The following PLEKHA7 variants were observed in gnomAD, a reference collection of about 807,000 sequenced individuals.
PLEKHA7 encodes the protein pleckstrin homology domain containing A7.
A neutral mutation model predicts 170.0 loss-of-function variants in PLEKHA7; 104 were observed. The ratio of observed to expected loss-of-function variants is 0.61; its 90% confidence interval spans 0.52 to 0.72. The LOEUF is 0.72. Ranked by LOEUF, PLEKHA7 falls within the 30% of genes least tolerant of loss-of-function variation. The probability of loss-of-function intolerance (pLI) is 0.00; values close to 1 mark genes in which losing one functional copy is unlikely to be tolerated. For synonymous variants in PLEKHA7, 648 were observed against 660.8 expected (o/e 0.98, Z 0.30); for missense variants, 1,615 against 1,671.7 (o/e 0.97, Z 0.59).
In PLEKHA7 at chr11:16,959,834, G is replaced by A. The variant is rs112115954; in HGVS notation, c.221+54155C>T. On this transcript the variant is annotated intron_variant, in intron 3 of 26. Coordinates refer to ENST00000531066, the MANE Select transcript of PLEKHA7 (RefSeq NM_001329630.2). ...AAAACCTGCTTCTGGAGGGGGTTGC[G>A]GGCTCCCCTCAGCAGCCCTGGAGGA... Among the ~76,000 whole-genome samples, 640 of 152,234 alleles carry A rather than the reference G, an allele frequency of 4.2e-3. 3 individuals carry two copies. Among genetic ancestry groups the A allele is most frequent in the African/African-American group, 0.014 (598 of 41,540 alleles).
chr11:16,822,169 C>T (rs217752), intron 10 of PLEKHA7, among the ~76,000 whole-genome samples: 104,587 of 151,958 alleles, frequency 0.69, 36,238 homozygotes, highest in East Asian at 0.94. Context: ...AGCAGTTATG[C>T]GGAGACATTT....
intron 3 of PLEKHA7, chr11:17,012,938 G>A (rs1865402149): frequency 6.6e-6 from 1 of 152,214 alleles, no homozygotes; most frequent in Non-Finnish European, 1.5e-5. Flanking sequence ...AGGAGGTTCC[G>A]GGGTTTTCTT....
intron 3 of PLEKHA7, among the ~76,000 whole-genome samples, chr11:16,915,341 G>C (rs2136192536): frequency 6.6e-6 from 1 of 152,218 alleles, no homozygotes; most frequent in Non-Finnish European, 1.5e-5. Context: ...CTCATATCTG[G>C]CCAAGTGGAC....
At chr11:16,925,422 C>A (rs1859442639) in intron 3 of PLEKHA7, among the ~76,000 whole-genome samples, 1 of 152,184 alleles carries the variant, frequency 6.6e-6, no homozygotes, top group Non-Finnish European at 1.5e-5. Context: ...TCCAGTCACG[C>A]CCGCGCCCAG....
intron 10 of PLEKHA7, among the ~76,000 whole-genome samples, chr11:16,819,906 T>TA (rs1452405322): frequency 6.6e-6 from 1 of 152,174 alleles, no homozygotes; most frequent in Non-Finnish European, 1.5e-5. Context: ...TGGTTAATAA[T>TA]AATGTATATT....
intron 3 of PLEKHA7, among the ~76,000 whole-genome samples, chr11:16,938,684 C>T (rs1860478854): frequency 6.6e-6 from 1 of 152,044 alleles, no homozygotes; most frequent in Non-Finnish European, 1.5e-5. Flanking sequence ...TGTTGGAAGG[C>T]CGAAAACAGA....
intron 3 of PLEKHA7, among the ~76,000 whole-genome samples, chr11:17,002,592 T>C (rs1864732794): frequency 6.6e-6 from 1 of 152,172 alleles, no homozygotes; most frequent in African/African-American, 2.4e-5. Context: ...CTCAAATGCC[T>C]GATCTGTAAA....
chr11:16,853,838 C>G (rs1055752850), intron 6 of PLEKHA7, among the ~76,000 whole-genome samples: 1 of 152,158 alleles, frequency 6.6e-6, no homozygotes, highest in Non-Finnish European at 1.5e-5. Flanking sequence ...TGCCATGGGG[C>G]CAGAGCTGCA....
intron 3 of PLEKHA7, among the ~76,000 whole-genome samples, chr11:16,956,583 G>T (rs1472250584): frequency 4.6e-5 from 7 of 152,158 alleles, no homozygotes; most frequent in African/African-American, 7.2e-5. Flanking sequence ...CGCTCACAAT[G>T]CCACAGTAAG....
chr11:16,888,555 GCT>G (rs1856360399), intron 3 of PLEKHA7, among the ~76,000 whole-genome samples: 1 of 152,394 alleles, frequency 6.6e-6, no homozygotes, highest in Middle Eastern at 3.4e-3. Context: ...CCAACCCCGT[GCT>G]CTCTGAAACA....
intron 3 of PLEKHA7, among the ~76,000 whole-genome samples, chr11:16,917,512 G>T (rs1016271973): frequency 6.6e-6 from 1 of 152,110 alleles, no homozygotes; most frequent in Non-Finnish European, 1.5e-5. Flanking sequence ...TCCATTCCTT[G>T]CCTCTTCCAG....
rs773389037 is a variant in PLEKHA7 at position 16,794,675 on chromosome 11, G to A, written c.2558C>T (p.Pro853Leu). 1 of 1,614,010 alleles carries A rather than the reference G, an allele frequency of 6.2e-7. No homozygotes were observed. The highest frequency in any genetic ancestry group is 8.5e-7 in the Non-Finnish European group (1 of 1,179,970). ...CTTGCTCTCAGAAGTTGAGAGTGAA[G>A]GCACAGGCGGGTGAGGAAACAAAGG... The part of the protein sequence containing the change: ...TVPLFPHPPV[P>L]SLSTSESKPP... Residue 853 changes from proline (P) to leucine (L), a missense_variant, in exon 19 of 27, where the codon CCT (proline) becomes CTT (leucine). Pro to Leu is a moderately conservative substitution (Grantham distance 98). Coordinates refer to ENST00000531066, the MANE Select transcript of PLEKHA7 (RefSeq NM_001329630.2).
chr11:16,940,254 G>GAA (rs1025374383), intron 3 of PLEKHA7, among the ~76,000 whole-genome samples: 1 of 150,050 alleles, frequency 6.7e-6, no homozygotes, highest in Non-Finnish European at 1.5e-5. Context: ...TAAGGGAAGA[G>GAA]AAGTATCTCA....
intron 3 of PLEKHA7, among the ~76,000 whole-genome samples, chr11:16,996,987 G>A (rs1190277862): frequency 6.6e-6 from 1 of 152,088 alleles, no homozygotes; most frequent in Admixed American, 6.5e-5. Flanking sequence ...GTGGGTATCA[G>A]CTTCAAGTTC....
chr11:16,990,272 T>TC (rs1389989223), intron 3 of PLEKHA7, among the ~76,000 whole-genome samples: 10 of 28,332 alleles, frequency 3.5e-4, no homozygotes. Context: ...AGACCCTGTC[T>TC]CAAAAAAAAA....
At chr11:16,926,701 T>C (rs540633181) in intron 3 of PLEKHA7, among the ~76,000 whole-genome samples, 2 of 152,314 alleles carry the variant, frequency 1.3e-5, no homozygotes, top group African/African-American at 4.8e-5. Context: ...GGTATTAAAG[T>C]GTAAGCTTGC....
chr11:16,918,206 C>T (rs562316273), intron 3 of PLEKHA7, among the ~76,000 whole-genome samples: 1 of 152,316 alleles, frequency 6.6e-6, no homozygotes, highest in South Asian at 2.1e-4. Flanking sequence ...GGTTCTGTCA[C>T]TGAATAGCAT....
At chr11:16,913,950 A>G (rs1858447903) in intron 3 of PLEKHA7, among the ~76,000 whole-genome samples, 1 of 152,238 alleles carries the variant, frequency 6.6e-6, no homozygotes, top group African/African-American at 2.4e-5. Flanking sequence ...TCGTTCTTTA[A>G]AAAGTGAAAT....
intron 3 of PLEKHA7, among the ~76,000 whole-genome samples, chr11:16,902,007 C>T (rs958067575): frequency 2.6e-5 from 4 of 152,348 alleles, no homozygotes; most frequent in African/African-American, 4.8e-5. Flanking sequence ...ACCCCAGCTC[C>T]AGCCCTAGGC....
Sources: allele counts gnomAD v4.1 joint callset (sites outside exome capture counted in the v4.1 genomes callset), GRCh38; gene constraint gnomAD v4.1.1; transcripts MANE v1.5; gene names NCBI Gene and HGNC (gene_info 2026-07-23, HGNC 2026-07-21).